Variants in SNTB2 observed in about 807,000 individuals in gnomAD.
SNTB2 encodes syntrophin beta 2, also known as beta-2-syntrophin.
In SNTB2, 34 loss-of-function variants were observed where a neutral mutation model predicts 46.2. The ratio of observed to expected loss-of-function variants is 0.74; its 90% CI spans 0.56 to 0.98. The LOEUF (loss-of-function observed/expected upper bound fraction) is 0.98, where lower values mean the gene tolerates loss of function less well. Among genes scored for constraint, SNTB2 ranks in the 50% least tolerant of loss-of-function variants. The probability of loss-of-function intolerance (pLI) is 0.00; values close to 1 mark genes in which losing one functional copy is unlikely to be tolerated. For synonymous variants in SNTB2, 290 were observed against 312.6 expected (o/e 0.93, Z 0.76); for missense variants, 603 against 731.4 (o/e 0.82, Z 2.02).
intron 1 of SNTB2, among the ~76,000 whole-genome samples, chr16:69,214,127 A>ATTTTTTTTTTT (rs779200195): frequency 7.9e-6 from 1 of 126,394 alleles, no homozygotes. Context: ...CCAGCCTTTT[A>ATTTTTTTTTTT]TTTTTTTTTT....
intron 1 of SNTB2, among the ~76,000 whole-genome samples, chr16:69,228,875 A>G (rs751285929): frequency 3.3e-5 from 5 of 152,170 alleles, no homozygotes; most frequent in Non-Finnish European, 5.9e-5. Flanking sequence ...CTCAGAGGTA[A>G]TCTTCAAACC....
intron 1 of SNTB2, 51 bp downstream of exon 1, chr16:69,187,797 CGG>C: frequency 7.7e-7 from 1 of 1,295,852 alleles, no homozygotes; most frequent in African/African-American, 1.6e-5. Flanking sequence ...CCTGGGCTCG[CGG>C]GAGCTCACTT....
chr16:69,284,339 C>CTGTCATGTATGCA, intron 5 of SNTB2, 95 bp downstream of exon 5: 1 of 987,250 alleles, frequency 1.0e-6, no homozygotes, highest in Non-Finnish European at 1.4e-6. Flanking sequence ...TGATGGATTG[C>CTGTCATGTATGCA]ATACATGACA....
intron 1 of SNTB2, among the ~76,000 whole-genome samples, chr16:69,238,211 C>T (rs1964576754): frequency 6.6e-6 from 1 of 152,082 alleles, no homozygotes; most frequent in African/African-American, 2.4e-5. Flanking sequence ...GAGCATTTAT[C>T]CCCTTGGCCC....
At chr16:69,218,997 G>T (rs570358512) in intron 1 of SNTB2, among the ~76,000 whole-genome samples, 1 of 152,288 alleles carries the variant, frequency 6.6e-6, no homozygotes, top group African/African-American at 2.4e-5. Flanking sequence ...CTTACATCTT[G>T]TTGGCCATAA....
At chr16:69,278,889 A>ACTGTGT (rs1555500630) in intron 4 of SNTB2, among the ~76,000 whole-genome samples, 1 of 140,912 alleles carries the variant, frequency 7.1e-6, no homozygotes, top group Non-Finnish European at 1.5e-5. Flanking sequence ...AGGTGGGAAG[A>ACTGTGT]GTGTGTGTGT....
rs1222382200 is a variant in SNTB2 at position 69,304,359 on chromosome 16, A to G, written c.*3435A>G. 1.3e-5 allele frequency: 2 copies of G among 152,738 alleles called. No individual in the cohort carries two copies. Among genetic ancestry groups the G allele is most frequent in the Non-Finnish European group, 1.5e-5 (1 of 68,026 alleles). The allele number at this position is 152,738 out of a possible 1,614,324, so 9.5% of individuals were successfully genotyped here. A position where few individuals can be genotyped will look rare whatever the true frequency, so the allele number is the denominator to read the frequency against. On this transcript the variant is annotated 3_prime_UTR_variant, in exon 7 of 7. Coordinates refer to ENST00000336278, the MANE Select transcript of SNTB2 (RefSeq NM_006750.4). ...ACATATATAGGCAGTCAAAAATACT[A>G]CTTTAAATGTCATTCACCTATTTTA...
rs141607477 is a variant in SNTB2, at chr16:69,235,677, A to G, written c.581-9925A>G. On this transcript the variant is annotated intron_variant, in intron 1 of 6. Coordinates refer to ENST00000336278, the MANE Select transcript of SNTB2 (RefSeq NM_006750.4). ...CAAAACAAAAAACCCTGGCACCAAT[A>G]TGACAGCTTCAAACTGCTGTATCCC... The G allele has an allele frequency of 7.2e-6, 9 of 1,248,070 alleles. No homozygotes were observed. The Admixed American group carries it at 1.7e-4, about 23-fold the overall frequency. The allele number at this position is 1,248,070 out of a possible 1,614,324, so 77.3% of individuals were successfully genotyped here.
intron 1 of SNTB2, among the ~76,000 whole-genome samples, chr16:69,198,506 T>TGTAG (rs1964127767): frequency 2.0e-5 from 3 of 152,218 alleles, no homozygotes; most frequent in African/African-American, 7.2e-5. Context: ...GGTAGGAAGA[T>TGTAG]GTAGTCCATT....
At position 69,201,828 on chromosome 16, in the gene SNTB2, A is replaced by AT. The variant is rs199649889; in HGVS notation, c.580+14090dup. Among the ~76,000 whole-genome samples, 87 of 151,964 alleles carry AT rather than the reference A, an allele frequency of 5.7e-4. No individual in the cohort carries two copies. The East Asian group carries it at 0.012, about 21-fold the overall frequency. ...ATGAGAATTCAATAGTATTATTATT[A>AT]TTTTTTTTGAGTGCCTCTAAAATTG... On this transcript the variant is annotated intron_variant, in intron 1 of 6. Transcript: ENST00000336278.
chr16:69,267,089 G>A (rs1051699584), intron 3 of SNTB2, among the ~76,000 whole-genome samples: 3 of 150,846 alleles, frequency 2.0e-5, no homozygotes. Context: ...GTGCAGTGGC[G>A]CAGTCTCAGC....
chr16:69,249,027 T>C (rs543870440), intron 2 of SNTB2, among the ~76,000 whole-genome samples: 22 of 148,154 alleles, frequency 1.5e-4, no homozygotes, highest in South Asian at 8.6e-4. Context: ...TTCTTTCTTT[T>C]TTTTTTTTTT....
intron 2 of SNTB2, among the ~76,000 whole-genome samples, chr16:69,251,934 C>A (rs11641316): frequency 0.33 from 50,350 of 151,984 alleles, 8,908 homozygotes; most frequent in African/African-American, 0.44. Context: ...AAAAATAAAA[C>A]AATAAAATAA....
At position 69,260,189 on chromosome 16, in the gene SNTB2, G is replaced by A. The variant is rs758452589; in HGVS notation, c.934G>A (p.Ala312Thr). 3.1e-6 allele frequency: 5 copies of A among 1,614,104 alleles called. No individual in the cohort carries two copies. Among genetic ancestry groups the A allele is most frequent in the South Asian group, 2.2e-5 (2 of 91,076 alleles). ...LLPQVLAELN[A>T]MLGATSTAGG... The stretch of plus-strand genomic sequence containing the variant: ...CCCACAGGTGTTGGCTGAACTCAAC[G>A]CCATGCTTGGGGCAACCAGTACAGC... The change falls in exon 3 of 7, where the codon GCC (alanine) becomes ACC (threonine). Residue 312 changes from alanine to threonine, a missense_variant. Physicochemically the swap from Ala to Thr is moderately conservative, Grantham distance 58. Around this residue, in one of 2 missense-constraint regions of SNTB2, gnomAD observed 537 missense variants for 692.4 expected, o/e 0.78. Transcript: ENST00000336278.
chr16:69,295,065 C>T (rs1005936693), intron 5 of SNTB2, among the ~76,000 whole-genome samples: 4 of 151,902 alleles, frequency 2.6e-5, no homozygotes, highest in African/African-American at 9.7e-5. Context: ...AGGCAATCCA[C>T]CTGCCTCGGC....
chr16:69,253,048 T>C (rs60701687), intron 2 of SNTB2, among the ~76,000 whole-genome samples: 40,497 of 151,504 alleles, frequency 0.27, 5,955 homozygotes, highest in African/African-American at 0.37. Flanking sequence ...TGCAGGCGCC[T>C]GCCACCACGC....
In SNTB2 at chr16:69,270,186, T is replaced by C. The variant is rs778434388; in HGVS notation, c.1049T>C (p.Met350Thr). 2 of 1,614,030 alleles carry C rather than the reference T, an allele frequency of 1.2e-6. No homozygotes were observed. Among genetic ancestry groups the C allele is most frequent in the African/African-American group, 1.3e-5 (1 of 74,914 alleles). Reference sequence around the variant, plus strand: ...AGACAGCAATGGAGACCTGTCCTCATGGCTGTGACTGAGAAGGATTTGCTG... The same window carrying C: ...AGACAGCAATGGAGACCTGTCCTCACGGCTGTGACTGAGAAGGATTTGCTG... Reference protein sequence around the residue: ...GGRQQWRPVLMAVTEKDLLLY... With the variant: ...GGRQQWRPVLTAVTEKDLLLY... Residue 350 changes from methionine to threonine, a missense_variant, in exon 4 of 7, where the codon ATG becomes ACG. Transcript: ENST00000336278.
chr16:69,294,382 C>A (rs182360192), intron 5 of SNTB2, among the ~76,000 whole-genome samples: 40 of 152,056 alleles, frequency 2.6e-4, no homozygotes, highest in Admixed American at 4.6e-4. Flanking sequence ...TGTTTTTTGA[C>A]TAAAGAGCCA....
At position 69,241,057 on chromosome 16, in the gene SNTB2, G is replaced by A. The variant is rs141501563; in HGVS notation, c.581-4545G>A. Among the ~76,000 whole-genome samples the A allele has an allele frequency of 1.5e-3, 226 of 150,118 alleles. 2 individuals are homozygous for A. Among genetic ancestry groups the A allele is most frequent in the Middle Eastern group, 0.011 (3 of 278 alleles). On this transcript the variant is annotated intron_variant, in intron 1 of 6. Transcript: ENST00000336278. ...GTATTTTTAGTAGAGATGGACTTTC[G>A]CCATGTTGGCCAGGCTGGTCTTGAA...
Sources: gnomAD v4.1 joint callset for allele counts (sites outside exome capture counted in the v4.1 genomes callset) on GRCh38, gnomAD v4.1.1 for gene constraint, gnomAD v4.1.1 regional missense constraint, MANE v1.5 for transcripts, NCBI Gene and HGNC (gene_info 2026-07-23, HGNC 2026-07-21) for gene names.